The following ESR1 variants were observed in gnomAD, a reference collection of about 807,000 sequenced individuals.
ESR1 encodes estrogen receptor 1, also known as estrogen receptor.
In ESR1, 12 loss-of-function variants were observed where a neutral mutation model predicts 52.7. The observed-to-expected ratio is 0.23, with a 90% CI of 0.15 to 0.37. The LOEUF (loss-of-function observed/expected upper bound fraction) is 0.37, where lower values mean the gene tolerates loss of function less well. Among genes scored for constraint, ESR1 ranks in the 10% least tolerant of loss-of-function variants. ESR1 has a pLI of 1.00. For synonymous variants in ESR1, 305 were observed against 316.8 expected (o/e 0.96, Z 0.39); for missense variants, 584 against 779.7 (o/e 0.75, Z 2.99).
chr6:151,840,278 T>C (rs1174181939), intron 1 of ESR1, among the ~76,000 whole-genome samples: 1 of 152,120 alleles, frequency 6.6e-6, no homozygotes, highest in African/African-American at 2.4e-5. Flanking sequence ...AGGATATTAG[T>C]AAACAAGCAA....
At chr6:151,998,020 C>T (rs2041642311) in intron 4 of ESR1, among the ~76,000 whole-genome samples, 1 of 152,118 alleles carries the variant, frequency 6.6e-6, no homozygotes, top group Non-Finnish European at 1.5e-5. Flanking sequence ...TTTGGTTAAT[C>T]TTTCATGTTA....
chr6:152,096,886 ATGT>A (rs2050653730), intron 7 of ESR1, among the ~76,000 whole-genome samples: 4 of 152,182 alleles, frequency 2.6e-5, no homozygotes, highest in South Asian at 2.1e-4. Context: ...AATTTCGGTG[ATGT>A]TGTAGATTCA....
At chr6:151,800,714 G>A (rs139616104), upstream of ESR1, among the ~76,000 whole-genome samples, 1 of 152,116 alleles carries the variant, frequency 6.6e-6, no homozygotes, top group East Asian at 1.9e-4. Context: ...ACAGTTCTCC[G>A]CACTTAGAAA....
chr6:152,075,339 C>A (rs998477652), intron 6 of ESR1, among the ~76,000 whole-genome samples: 2 of 152,062 alleles, frequency 1.3e-5, no homozygotes, highest in African/African-American at 4.8e-5. Flanking sequence ...ATCTTAAGGC[C>A]CTTTTAAGAT....
At chr6:151,939,877 AC>A (rs1487291872) in intron 3 of ESR1, among the ~76,000 whole-genome samples, 1 of 152,162 alleles carries the variant, frequency 6.6e-6, no homozygotes, top group African/African-American at 2.4e-5. Context: ...AAGCAAAAAA[AC>A]AAAATCTCTG....
chr6:151,700,805 T>TC (rs1262608663), intron 1 of ESR1, among the ~76,000 whole-genome samples: 4 of 151,894 alleles, frequency 2.6e-5, no homozygotes, highest in Non-Finnish European at 5.9e-5. Context: ...CAAGTTTTTT[T>TC]CCCCCACTCT....
intron 3 of ESR1, among the ~76,000 whole-genome samples, chr6:151,931,683 A>C (rs970005402): frequency 1.4e-5 from 2 of 144,048 alleles, no homozygotes; most frequent in African/African-American, 5.1e-5. Context: ...GTTCCCACCT[A>C]TGAGTGAGAA....
chr6:151,777,382 G>C (rs1786110460), intron 2 of ESR1, among the ~76,000 whole-genome samples: 1 of 151,964 alleles, frequency 6.6e-6, no homozygotes, highest in East Asian at 1.9e-4. Context: ...GCCTCCCAAA[G>C]TGCTGAGATT....
chr6:151,821,239 A>G (rs1339666905), intron 1 of ESR1, among the ~76,000 whole-genome samples: 1 of 152,060 alleles, frequency 6.6e-6, no homozygotes, highest in Non-Finnish European at 1.5e-5. Context: ...CTGTTCCAGC[A>G]TTTATAGTAG....
chr6:152,018,850 G>T (rs1049237481), intron 5 of ESR1, among the ~76,000 whole-genome samples: 4 of 151,622 alleles, frequency 2.6e-5, no homozygotes, highest in African/African-American at 9.7e-5. Context: ...AAAAAAAAAG[G>T]AAGCCAACAC....
intron 2 of ESR1, among the ~76,000 whole-genome samples, chr6:151,872,813 A>G (rs1003128955): frequency 1.3e-5 from 2 of 152,182 alleles, no homozygotes; most frequent in Non-Finnish European, 2.9e-5. Context: ...CAGAAAGTCA[A>G]TATCTTTCTC....
chr6:151,671,511 T>G (rs983730922), intron 1 of ESR1, among the ~76,000 whole-genome samples: 2 of 151,760 alleles, frequency 1.3e-5, no homozygotes, highest in Non-Finnish European at 2.9e-5. Context: ...AGGAGAATGG[T>G]GGGTTGCTGG....
intron 2 of ESR1, among the ~76,000 whole-genome samples, chr6:151,770,388 C>T (rs895088881): frequency 6.6e-6 from 1 of 151,922 alleles, no homozygotes. Flanking sequence ...AATGAAGAGG[C>T]TCTAGAAATA....
At chr6:151,682,369 GA>G (rs1778494977) in intron 1 of ESR1, among the ~76,000 whole-genome samples, 1 of 152,190 alleles carries the variant, frequency 6.6e-6, no homozygotes. Context: ...GACAGAATTG[GA>G]TCTCCCTGGA....
At chr6:152,114,631 C>T (rs2813546) in intron 6 of ESR1, among the ~76,000 whole-genome samples, 31,388 of 151,830 alleles carry the variant, frequency 0.21, 3,290 homozygotes, top group Non-Finnish European at 0.21. Context: ...GTGGCTCACG[C>T]CTGTAATCCC....
At chr6:152,109,706 A>G (rs1268984828) in intron 6 of ESR1, among the ~76,000 whole-genome samples, 1 of 152,152 alleles carries the variant, frequency 6.6e-6, no homozygotes, top group Non-Finnish European at 1.5e-5. Flanking sequence ...CAACAACAAC[A>G]AAAACAGTTG....
At chr6:151,685,553 C>T (rs1341260821), upstream of ESR1, among the ~76,000 whole-genome samples, 1 of 152,186 alleles carries the variant, frequency 6.6e-6, no homozygotes, top group Non-Finnish European at 1.5e-5. Context: ...CTACTTGAGA[C>T]CTTGCTTCCT....
chr6:151,711,199 CT>C (rs1470573877), intron 2 of ESR1, among the ~76,000 whole-genome samples: 2 of 151,950 alleles, frequency 1.3e-5, no homozygotes, highest in African/African-American at 2.4e-5. Flanking sequence ...TCTCCACATC[CT>C]CCCCAGCATC....
chr6:151,908,495 G>A (rs1343040398), intron 3 of ESR1, among the ~76,000 whole-genome samples: 1 of 152,084 alleles, frequency 6.6e-6, no homozygotes, highest in Non-Finnish European at 1.5e-5. Context: ...TATGCCTGTT[G>A]GTTACATTTG....
Sources: gnomAD v4.1 joint callset for allele counts (sites outside exome capture counted in the v4.1 genomes callset) on GRCh38, gnomAD v4.1.1 for gene constraint, MANE v1.5 for transcripts, NCBI Gene and HGNC (gene_info 2026-07-23, HGNC 2026-07-21) for gene names.